Variants in CDC7 observed in about 807,000 individuals in gnomAD.
The protein encoded by CDC7 is cell division cycle 7-related protein kinase.
Under a neutral mutation model 53.5 loss-of-function variants are expected in CDC7, and 34 were observed. That is an observed-to-expected ratio of 0.64 (90% confidence interval 0.48 to 0.85). The LOEUF (loss-of-function observed/expected upper bound fraction) is 0.85, where lower values mean the gene tolerates loss of function less well. Among genes scored for constraint, CDC7 ranks in the 40% least tolerant of loss-of-function variants. The probability of loss-of-function intolerance (pLI) is 0.00; values close to 1 mark genes in which losing one functional copy is unlikely to be tolerated. For missense variants in CDC7, 594 were observed against 679.7 expected (o/e 0.87, Z 1.40); for synonymous variants, 211 against 222.8 (o/e 0.95, Z 0.47).
chr1:91,502,826 C>T lies in CDC7; in HGVS notation c.115+995C>T, dbSNP rs550875551. Among the ~76,000 whole-genome samples, 757 of 152,238 alleles carry T rather than the reference C, an allele frequency of 5.0e-3. 3 individuals carry two copies. Among genetic ancestry groups the T allele is most frequent in the Non-Finnish European group, 9.3e-3 (634 of 68,032 alleles). On this transcript the variant is annotated intron_variant, in intron 2 of 11. Coordinates refer to ENST00000234626, the MANE Select transcript of CDC7 (RefSeq NM_003503.4). ...TGCTGCCTGCTTGCACTTTTCCATT[C>T]TTCAGTTCATCTTGTATGTTGGTGC...
rs767452060 is a variant in CDC7, at chr1:91,511,885, T to A, written c.534T>A (p.Val178=). The change falls in exon 6 of 12, where the codon GTT becomes GTA. Residue 178 remains valine (V), a synonymous_variant. Transcript: ENST00000234626. ...AGTTTGGTATTGTTCACCGTGATGT[T>A]AAGCCCAGCAATTTTTTATATAATA... ...IHQFGIVHRD[V]KPSNFLYNRR... 6.3e-7 allele frequency: 1 copy of A among 1,593,360 alleles called. No individual in the cohort carries two copies. Among genetic ancestry groups the A allele is most frequent in the Non-Finnish European group, 8.6e-7 (1 of 1,164,208 alleles).
Position 91,520,145 on chromosome 1 carries a change from C to G in CDC7, c.1196C>G (p.Ser399Cys), listed in dbSNP as rs376716700. The G allele has an allele frequency of 1.6e-4, 258 of 1,594,706 alleles. No homozygotes were observed. The highest frequency in any genetic ancestry group is 2.1e-4 in the Non-Finnish European group (241 of 1,172,456). Residue 399 changes from serine (S) to cysteine (C), a missense_variant, in exon 11 of 12, where the codon TCT becomes TGT. Physicochemically the swap from Ser to Cys is moderately radical, Grantham distance 112 (BLOSUM62 -1). Transcript: ENST00000234626. ...TCTGTTGCAGCAATTGACATGTGGT[C>G]TGCAGGTGTCATATTTCTTTCTTTG... ...PNQTTAIDMW[S>C]AGVIFLSLLS...
chr1:91,510,769 T>C (rs936413728), intron 4 of CDC7, among the ~76,000 whole-genome samples: 2 of 152,208 alleles, frequency 1.3e-5, no homozygotes, highest in African/African-American at 4.8e-5. Flanking sequence ...TTTTGTTTCT[T>C]CCTTTCCACT....
At chr1:91,505,331 C>T (rs1666928159) in intron 2 of CDC7, among the ~76,000 whole-genome samples, 1 of 152,046 alleles carries the variant, frequency 6.6e-6, no homozygotes, top group Non-Finnish European at 1.5e-5. Flanking sequence ...AGATGTGAAA[C>T]CATTAGAGGT....
chr1:91,501,107 C>T (rs547148264), intron 1 of CDC7, 159 bp downstream of exon 1: 1 of 152,212 alleles, frequency 6.6e-6, no homozygotes, highest in Non-Finnish European at 1.5e-5. Flanking sequence ...GCGCACTAAG[C>T]ATCTGGTTCG....
chr1:91,506,580 T>G (rs1404989701), intron 2 of CDC7, among the ~76,000 whole-genome samples: 3 of 152,178 alleles, frequency 2.0e-5, no homozygotes. Context: ...ACCAAGCTCT[T>G]AGTGGCTGCA....
At position 91,511,636 on chromosome 1, in the gene CDC7, G is replaced by A. The variant is rs1667292051; in HGVS notation, c.375G>A (p.Arg125=). ...DNVMGVKYCF[R]KNDHVVIAMP... is the part of the protein sequence containing the mutation. The stretch of plus-strand genomic sequence containing the variant: ...TCATGGGAGTTAAATACTGCTTTAG[G>A]AAGAATGATCATGTAGTTATTGCTA... The change falls in exon 5 of 12, where the codon AGG becomes AGA. Residue 125 remains arginine, a synonymous_variant. Coordinates refer to ENST00000234626, the MANE Select transcript of CDC7 (RefSeq NM_003503.4). The A allele has an allele frequency of 1.9e-6, 3 of 1,611,098 alleles. No individual in the cohort carries two copies. The highest frequency in any genetic ancestry group is 2.7e-5 in the African/African-American group (2 of 74,820).
intron 8 of CDC7, 86 bp downstream of exon 8, chr1:91,514,129 C>A: frequency 2.4e-6 from 2 of 825,396 alleles, no homozygotes; most frequent in Non-Finnish European, 3.7e-6. Context: ...CATTTATTAT[C>A]AGAAATTTTT....
intron 1 of CDC7, 152 bp from the exon 2 acceptor site, chr1:91,501,502 A>T: frequency 2.0e-6 from 1 of 492,426 alleles, no homozygotes; most frequent in East Asian, 3.0e-5. Context: ...AAGCACATGG[A>T]ATTCCTTAGA....
chr1:91,502,831 G>T (rs1666771345), intron 2 of CDC7, among the ~76,000 whole-genome samples: 2 of 151,864 alleles, frequency 1.3e-5, no homozygotes, highest in Non-Finnish European at 2.9e-5. Context: ...CCATTCTTCA[G>T]TTCATCTTGT....
chr1:91,516,730 T>C (rs1427788107), intron 10 of CDC7, among the ~76,000 whole-genome samples: 1 of 152,196 alleles, frequency 6.6e-6, no homozygotes, highest in Non-Finnish European at 1.5e-5. Context: ...CATAGAGGCA[T>C]GAGCCAAGGA....
At position 91,520,335 on chromosome 1, in the gene CDC7, A is replaced by G. The variant is rs1434168103; in HGVS notation, c.1330+56A>G. The G allele has an allele frequency of 3.8e-6, 5 of 1,307,156 alleles. No individual in the cohort carries two copies. In the Admixed American group the frequency reaches 1.3e-4, roughly 34 times the overall value. 81.0% of individuals were successfully genotyped at this position (1,307,156 alleles called of 1,614,324 possible). A position where few individuals can be genotyped will look rare whatever the true frequency, so the allele number is the denominator to read the frequency against. On this transcript the variant is annotated intron_variant, in intron 11 of 11. Transcript: ENST00000234626. ...AAATGCCTTTGATTATCTCCTACAA[A>G]TCACTTAATAAATTATTGTGAAATT...
chr1:91,515,565 T>A (rs2102376779), intron 9 of CDC7, among the ~76,000 whole-genome samples: 1 of 152,282 alleles, frequency 6.6e-6, no homozygotes, highest in South Asian at 2.1e-4. Context: ...TTCTTGGAGG[T>A]TATTTTAAAC....
intron 10 of CDC7, among the ~76,000 whole-genome samples, chr1:91,518,917 T>C (rs575398673): frequency 2.6e-4 from 39 of 151,846 alleles, no homozygotes; most frequent in Non-Finnish European, 4.9e-4. Flanking sequence ...AAAAAGTAGC[T>C]GGATGTGGTA....
At chr1:91,504,618 T>A (rs1666886164) in intron 2 of CDC7, among the ~76,000 whole-genome samples, 1 of 152,182 alleles carries the variant, frequency 6.6e-6, no homozygotes, top group African/African-American at 2.4e-5. Flanking sequence ...GTACCATCTT[T>A]GTTTGCCTGG....
intron 4 of CDC7, among the ~76,000 whole-genome samples, chr1:91,509,484 A>G (rs539699290): frequency 1.9e-4 from 29 of 151,688 alleles, no homozygotes; most frequent in South Asian, 8.3e-4. Context: ...CATTTTCTCT[A>G]TTTCTCTCCT....
At chr1:91,504,719 G>A (rs1350651032) in intron 2 of CDC7, among the ~76,000 whole-genome samples, 1 of 152,078 alleles carries the variant, frequency 6.6e-6, no homozygotes, top group Non-Finnish European at 1.5e-5. Flanking sequence ...CTTATATTAT[G>A]TATTATCCCC....
rs202245375 is a variant in CDC7, at chr1:91,501,739, A to G, written c.23A>G (p.Gln8Arg). The G allele has an allele frequency of 4.6e-4, 740 of 1,613,958 alleles. 1 individual carries two copies. Among genetic ancestry groups the G allele is most frequent in the Non-Finnish European group, 6.0e-4 (709 of 1,179,968 alleles). The change falls in exon 2 of 12, where the codon CAG (glutamine) becomes CGG (arginine). Residue 8 changes from glutamine (Q) to arginine (R), a missense_variant. By Grantham distance (43) the Gln-to-Arg change is conservative. Transcript: ENST00000234626. ...GTGATGGAGGCGTCTTTGGGGATTC[A>G]GATGGATGAGCCAATGGCTTTTTCT... MEASLGI[Q>R]MDEPMAFSPQ...
chr1:91,520,308 CAA>C, intron 11 of CDC7, 29 bp downstream of exon 11: 1 of 1,498,074 alleles, frequency 6.7e-7, no homozygotes, highest in Non-Finnish European at 8.9e-7. Context: ...TAGAACCAAA[CAA>C]AATGCCTTTG....
Sources: allele counts gnomAD v4.1 joint callset (sites outside exome capture counted in the v4.1 genomes callset), GRCh38; gene constraint gnomAD v4.1.1; transcripts MANE v1.5; gene names NCBI Gene and HGNC (gene_info 2026-07-23, HGNC 2026-07-21).